The following CCNY variants were observed in gnomAD, a reference collection of about 807,000 sequenced individuals.
The protein encoded by CCNY is cyclin Y, also known as cyclin-Y.
A neutral mutation model predicts 42.8 loss-of-function variants in CCNY; 19 were observed. The ratio of observed to expected loss-of-function variants is 0.44; its 90% CI spans 0.31 to 0.65. CCNY has a LOEUF of 0.65. Ranked by LOEUF, CCNY falls within the 30% of genes least tolerant of loss-of-function variation. The pLI is 0.07. For synonymous variants in CCNY, 165 were observed against 162.7 expected (o/e 1.01, Z -0.11); for missense variants, 370 against 437.3 (o/e 0.85, Z 1.37).
intron 9 of CCNY, 167 bp downstream of exon 9, chr10:35,566,352 C>CT: frequency 1.3e-6 from 1 of 747,468 alleles, no homozygotes; most frequent in Non-Finnish European, 2.1e-6. Context: ...TGTTCTGCTT[C>CT]TTTTTTCTTT....
chr10:35,482,868 C>CA (rs1340191629), intron 1 of CCNY, among the ~76,000 whole-genome samples: 1 of 151,184 alleles, frequency 6.6e-6, no homozygotes, highest in East Asian at 2.0e-4. Context: ...AGGGATCAAA[C>CA]AAAACATGTC....
intron 1 of CCNY, among the ~76,000 whole-genome samples, chr10:35,467,199 T>C (rs1839287531): frequency 6.6e-6 from 1 of 152,250 alleles, no homozygotes; most frequent in African/African-American, 2.4e-5. Flanking sequence ...GTATTTTGGC[T>C]TTTTATAATC....
At position 35,569,468 on chromosome 10, in the gene CCNY, T is replaced by C. The variant is rs2135470266; in HGVS notation, c.*298T>C. On this transcript the variant is annotated 3_prime_UTR_variant, in exon 10 of 10. Coordinates refer to ENST00000374704, the MANE Select transcript of CCNY (RefSeq NM_145012.6). Reference sequence around the variant, plus strand: ...GGAAGTCGTGGAGAGGCAGGGAAAATGGTTAAGCAGCCCGGCCCTCTGGAG... The same window carrying C: ...GGAAGTCGTGGAGAGGCAGGGAAAACGGTTAAGCAGCCCGGCCCTCTGGAG... 1 of 418,046 alleles carries C rather than the reference T, an allele frequency of 2.4e-6. No individual in the cohort carries two copies. The highest frequency in any genetic ancestry group is 4.8e-5 in the East Asian group (1 of 21,016). The allele number at this position is 418,046 out of a possible 1,614,324, so 25.9% of individuals were successfully genotyped here.
At chr10:35,394,824 A>C in intron 1 of CCNY, 2 of 984,906 alleles carry the variant, frequency 2.0e-6, no homozygotes, top group Non-Finnish European at 2.4e-6. Context: ...AGGTGACCCC[A>C]GTGGCTGAAA....
intron 3 of CCNY, among the ~76,000 whole-genome samples, chr10:35,296,786 T>C (rs1835476639): frequency 6.6e-6 from 1 of 152,106 alleles, no homozygotes; most frequent in Non-Finnish European, 1.5e-5. Context: ...AGACTAATAA[T>C]GAGTTCTGAA....
Position 35,441,167 on chromosome 10 carries a change from T to C in CCNY, c.155-42237T>C, listed in dbSNP as rs111752709. ...AGAGTCTGTAGCACTGACAGGTGTT[T>C]TGGCCTCTTCTGAATACCGCCTTGT... On this transcript the variant is annotated intron_variant, in intron 1 of 9. Coordinates refer to ENST00000374704, the MANE Select transcript of CCNY (RefSeq NM_145012.6). Among the ~76,000 whole-genome samples the C allele has an allele frequency of 5.9e-3, 905 of 152,340 alleles. 12 individuals are homozygous for C. Among genetic ancestry groups the C allele is most frequent in the African/African-American group, 0.02 (817 of 41,576 alleles).
chr10:35,275,694 C>T (rs971589817), intron 3 of CCNY, among the ~76,000 whole-genome samples: 2 of 151,532 alleles, frequency 1.3e-5, no homozygotes, highest in South Asian at 4.2e-4. Flanking sequence ...ACCCGGGAGG[C>T]GGAGCTTGCA....
At chr10:35,513,653 G>A (rs1232277195) in intron 3 of CCNY, among the ~76,000 whole-genome samples, 1 of 152,144 alleles carries the variant, frequency 6.6e-6, no homozygotes, top group Non-Finnish European at 1.5e-5. Context: ...TACAGCTGAG[G>A]AAACTGAGGG....
Position 35,525,960 on chromosome 10 carries a change from A to G in CCNY, c.366-4A>G. 6.2e-7 allele frequency: 1 copy of G among 1,611,892 alleles called. No individual in the cohort carries two copies. Among genetic ancestry groups the G allele is most frequent in the Non-Finnish European group, 8.5e-7 (1 of 1,179,290 alleles). On this transcript the variant is annotated splice_polypyrimidine_tract_variant and splice_region_variant and intron_variant, in intron 4 of 9. Transcript: ENST00000374704. Reference sequence around the variant, plus strand: ...CACTGAACCTCTGCATTCTATTTTTACAGTGTCGCTCTTGCAATATATTAT... The same window carrying G: ...CACTGAACCTCTGCATTCTATTTTTGCAGTGTCGCTCTTGCAATATATTAT...
intron 1 of CCNY, among the ~76,000 whole-genome samples, chr10:35,483,182 A>G (rs1839712032): frequency 6.6e-6 from 1 of 152,210 alleles, no homozygotes; most frequent in South Asian, 2.1e-4. Flanking sequence ...TTCTTAGGCT[A>G]ATAGATGTCT....
intron 3 of CCNY, among the ~76,000 whole-genome samples, chr10:35,263,079 G>A (rs1238882172): frequency 6.6e-6 from 1 of 151,852 alleles, no homozygotes. Flanking sequence ...AAAATTAGCC[G>A]GGCACGGTGG....
At chr10:35,528,267 C>T (rs184804707) in intron 5 of CCNY, among the ~76,000 whole-genome samples, 8 of 152,304 alleles carry the variant, frequency 5.3e-5, no homozygotes, top group East Asian at 3.9e-4. Context: ...AGTGTAACCA[C>T]GTGCACCCAG....
At chr10:35,422,534 A>G (rs1371501238) in intron 1 of CCNY, among the ~76,000 whole-genome samples, 3 of 152,222 alleles carry the variant, frequency 2.0e-5, no homozygotes. Flanking sequence ...CATAAAGGCA[A>G]TCAGAAAATG....
intron 4 of CCNY, among the ~76,000 whole-genome samples, 158 bp downstream of exon 4, chr10:35,516,781 G>A (rs1310361578): frequency 1.3e-5 from 2 of 150,236 alleles, no homozygotes; most frequent in Non-Finnish European, 3.0e-5. Flanking sequence ...GGTGGGAGTA[G>A]GGGTAGCACT....
At chr10:35,516,187 G>C (rs1236350217) in intron 3 of CCNY, among the ~76,000 whole-genome samples, 1 of 152,166 alleles carries the variant, frequency 6.6e-6, no homozygotes, top group African/African-American at 2.4e-5. Flanking sequence ...GCTTTTGTTA[G>C]TTTAGTAGAT....
At chr10:35,250,342 G>A (rs568756550) in intron 2 of CCNY, among the ~76,000 whole-genome samples, 1 of 152,236 alleles carries the variant, frequency 6.6e-6, no homozygotes, top group African/African-American at 2.4e-5. Context: ...TCCAGCCTGG[G>A]CAATAGAATG....
intron 1 of CCNY, among the ~76,000 whole-genome samples, chr10:35,477,676 A>G (rs1178919130): frequency 1.3e-5 from 2 of 149,942 alleles, no homozygotes; most frequent in African/African-American, 2.4e-5. Flanking sequence ...CCCACAGCCA[A>G]TATCATACTG....
intron 1 of CCNY, among the ~76,000 whole-genome samples, chr10:35,368,524 C>T (rs776625130): frequency 6.6e-6 from 1 of 152,188 alleles, no homozygotes; most frequent in Non-Finnish European, 1.5e-5. Context: ...ATACTCTGTT[C>T]AGATGTCACA....
intron 4 of CCNY, among the ~76,000 whole-genome samples, chr10:35,521,519 G>T (rs1334012260): frequency 2.6e-5 from 4 of 152,190 alleles, no homozygotes; most frequent in African/African-American, 9.7e-5. Flanking sequence ...TGGTAGGGTA[G>T]ACACTGGTTC....
Sources: allele counts gnomAD v4.1 joint callset (sites outside exome capture counted in the v4.1 genomes callset), GRCh38; gene constraint gnomAD v4.1.1; transcripts MANE v1.5; gene names NCBI Gene and HGNC (gene_info 2026-07-23, HGNC 2026-07-21).